Variants in SLC12A4 observed in about 807,000 individuals in gnomAD.
SLC12A4 encodes the protein electroneutral potassium-chloride cotransporter 1.
Under a neutral mutation model 119.2 loss-of-function variants are expected in SLC12A4, and 84 were observed. The ratio of observed to expected loss-of-function variants is 0.70; its 90% CI spans 0.59 to 0.85. The LOEUF (loss-of-function observed/expected upper bound fraction) is 0.85, where lower values mean the gene tolerates loss of function less well. Among genes scored for constraint, SLC12A4 ranks in the 40% least tolerant of loss-of-function variants. The pLI is 0.00. For missense variants in SLC12A4, 1,298 were observed against 1,476.3 expected (o/e 0.88, Z 1.98); for synonymous variants, 599 against 604.6 (o/e 0.99, Z 0.14).
chr16:67,966,846 G>C (rs1404222314), intron 1 of SLC12A4: 9 of 1,544,958 alleles, frequency 5.8e-6, no homozygotes, highest in Non-Finnish European at 7.9e-6. Context: ...AGTGGGAGGA[G>C]CTGGCCTAGC....
At chr16:67,953,087 G>A (rs1466793993) in intron 6 of SLC12A4, among the ~76,000 whole-genome samples, 3 of 151,868 alleles carry the variant, frequency 2.0e-5, no homozygotes, top group Non-Finnish European at 4.4e-5. Context: ...GACAGAGTGA[G>A]ACCTTGTCTC....
In SLC12A4 at chr16:67,946,211, C is replaced by T. The variant is rs1007906756; in HGVS notation, c.2567G>A (p.Gly856Asp). The T allele has an allele frequency of 6.2e-7, 1 of 1,613,900 alleles. No homozygotes were observed. Among genetic ancestry groups the T allele is most frequent in the Non-Finnish European group, 8.5e-7 (1 of 1,180,022 alleles). Residue 856 changes from glycine (G) to aspartate (D), a missense_variant, in exon 19 of 24, where the codon GGC (glycine) becomes GAC (aspartate). Coordinates refer to ENST00000316341, the MANE Select transcript of SLC12A4 (RefSeq NM_005072.5). ...IDVWWIVHDG[G>D]MLMLLPFLLR... ...CAGGAAGGGCAGAAGCATGAGCATGCCACCATCGTGCACGATCCACCACAC... is the reference window on the plus strand; with the variant it reads ...CAGGAAGGGCAGAAGCATGAGCATGTCACCATCGTGCACGATCCACCACAC...
chr16:67,967,332 C>T (rs897060749), intron 1 of SLC12A4, among the ~76,000 whole-genome samples: 1 of 152,208 alleles, frequency 6.6e-6, no homozygotes, highest in African/African-American at 2.4e-5. Flanking sequence ...CTACATATCT[C>T]CATCATGATC....
At chr16:67,963,665 T>C (rs1295368314) in intron 1 of SLC12A4, 106 bp from the exon 2 acceptor site, 5 of 912,848 alleles carry the variant, frequency 5.5e-6, no homozygotes. Flanking sequence ...ACTTTGGAGC[T>C]GCAGTGTCAC....
chr16:67,951,090 G>C lies in SLC12A4; in HGVS notation c.1298-30C>G, dbSNP rs762134071. 6 of 1,613,594 alleles carry C rather than the reference G, an allele frequency of 3.7e-6. No individual in the cohort carries two copies. The highest frequency in any genetic ancestry group is 5.1e-6 in the Non-Finnish European group (6 of 1,179,750). On this transcript the variant is annotated intron_variant, in intron 9 of 23. Coordinates refer to ENST00000316341, the MANE Select transcript of SLC12A4 (RefSeq NM_005072.5). The surrounding 1 kb of genome is among the most constrained non-coding windows in gnomAD (Gnocchi z 5.2). The stretch of plus-strand genomic sequence containing the variant: ...AAAAACAGATGAGACTCCCTCAGGG[G>C]CTCCCCGGGATTGGGGACAGGGCTG...
Position 67,950,506 on chromosome 16 carries a change from C to A in SLC12A4, c.1455-13G>T, listed in dbSNP as rs926014681. On this transcript the variant is annotated splice_polypyrimidine_tract_variant and intron_variant, in intron 11 of 23. Transcript: ENST00000316341. The surrounding 1 kb of genome is among the most constrained non-coding windows in gnomAD (Gnocchi z 4.3). Reference sequence around the variant, plus strand: ...ACCATCGCCATACCTGCAGGGGCCACCAGAGTGAGGGATGTCAGGGGTCCG... The same window carrying A: ...ACCATCGCCATACCTGCAGGGGCCAACAGAGTGAGGGATGTCAGGGGTCCG... 1 of 1,613,558 alleles carries A rather than the reference C, an allele frequency of 6.2e-7. No individual in the cohort carries two copies. Among genetic ancestry groups the A allele is most frequent in the African/African-American group, 1.3e-5 (1 of 74,912 alleles).
rs116912598 is a variant in SLC12A4 at position 67,954,175 on chromosome 16, G to A, written c.675+468C>T. ...GGCTGACAGAGCTCCCATGGGGCTC[G>A]TGGAGGGAGCGCCGACCTCCAGCAG... On this transcript the variant is annotated intron_variant, in intron 6 of 23. Coordinates refer to ENST00000316341, the MANE Select transcript of SLC12A4 (RefSeq NM_005072.5). 2.5e-3 allele frequency: 981 copies of A among 397,422 alleles called. 4 individuals carry two copies. The highest frequency in any genetic ancestry group is 2.3e-3 in the Non-Finnish European group (461 of 198,862). 24.6% of individuals were successfully genotyped at this position (397,422 alleles called of 1,614,324 possible). A position where few individuals can be genotyped will look rare whatever the true frequency, so the allele number is the denominator to read the frequency against.
chr16:67,958,083 G>C (rs956637873), intron 3 of SLC12A4, 39 bp from the exon 4 acceptor site: 4 of 1,600,672 alleles, frequency 2.5e-6, no homozygotes, highest in Non-Finnish European at 3.4e-6. Context: ...TAGAGCATCA[G>C]AGGGATGCAC....
intron 1 of SLC12A4, chr16:67,964,070 G>A (rs774585029): frequency 3.9e-6 from 6 of 1,538,116 alleles, no homozygotes; most frequent in Non-Finnish European, 5.3e-6. Context: ...TGCACTGCGC[G>A]GGGGGCGTCC....
Position 67,950,256 on chromosome 16 carries a change from C to G in SLC12A4, c.1629+63G>C, listed in dbSNP as rs1441781337. On this transcript the variant is annotated intron_variant, in intron 12 of 23. Coordinates refer to ENST00000316341, the MANE Select transcript of SLC12A4 (RefSeq NM_005072.5). This position sits in a 1 kb window ranked among gnomAD's most constrained non-coding sequence, Gnocchi z 4.3. ...CGTGCTGCATCTGTGTTCCCTATCTCTCTCCCCAGCCGGGCGAGGGCCTGG... is the reference window on the plus strand; with the variant it reads ...CGTGCTGCATCTGTGTTCCCTATCTGTCTCCCCAGCCGGGCGAGGGCCTGG... The G allele has an allele frequency of 6.4e-7, 1 of 1,568,100 alleles. No individual in the cohort carries two copies. The highest frequency in any genetic ancestry group is 2.2e-5 in the East Asian group (1 of 44,562).
chr16:67,958,100 G>C (rs1177777531), intron 3 of SLC12A4, 56 bp from the exon 4 acceptor site: 6 of 1,579,210 alleles, frequency 3.8e-6, no homozygotes, highest in Non-Finnish European at 4.3e-6. Flanking sequence ...GCACCATGGA[G>C]AGTCAGCCCT....
At chr16:67,968,653 A>G (rs2030977639), upstream of SLC12A4, 1 of 1,284,016 alleles carries the variant, frequency 7.8e-7, no homozygotes, top group Non-Finnish European at 9.8e-7. Context: ...GCCCGCTCGC[A>G]TTCCTCCCCG....
At chr16:67,964,151 G>A in intron 1 of SLC12A4, 2 of 1,455,194 alleles carry the variant, frequency 1.4e-6, no homozygotes, top group Admixed American at 4.7e-5. Context: ...GTGGATTCCA[G>A]GAGCCTTCTA....
In SLC12A4 at chr16:67,963,493, T is replaced by G; in HGVS notation, c.182A>C (p.Tyr61Ser). The change falls in exon 2 of 24, where the codon TAC becomes TCC. Residue 61 changes from tyrosine (Y) to serine (S), a missense_variant. Coordinates refer to ENST00000316341, the MANE Select transcript of SLC12A4 (RefSeq NM_005072.5). ...AAACAGTGCCAGGTTCCTGTCATAG[T>G]AGTCAATTCCTCTGGAAGCCTCCAA... ...SPLEASRGID[Y>S]YDRNLALFEE... 2.5e-6 allele frequency: 4 copies of G among 1,583,534 alleles called. No homozygotes were observed. Among genetic ancestry groups the G allele is most frequent in the Non-Finnish European group, 3.4e-6 (4 of 1,171,210 alleles).
rs1412484934 is a variant in SLC12A4, at chr16:67,943,884, A to G, written c.*956T>C. ...AAGGGCTTTGGCCAGGTCAGCTGCC[A>G]GGGGCTGGGGCCCAGGCTCCCCAGG... On this transcript the variant is annotated 3_prime_UTR_variant, in exon 24 of 24. Coordinates refer to ENST00000316341, the MANE Select transcript of SLC12A4 (RefSeq NM_005072.5). The surrounding 1 kb of genome is among the most constrained non-coding windows in gnomAD (Gnocchi z 4.6). 4 of 1,444,342 alleles carry G rather than the reference A, an allele frequency of 2.8e-6. No individual in the cohort carries two copies. The highest frequency in any genetic ancestry group is 5.0e-5 in the East Asian group (2 of 40,088). The allele number at this position is 1,444,342 out of a possible 1,614,324, so 89.5% of individuals were successfully genotyped here.
chr16:67,962,851 G>GA (rs1257166624), intron 2 of SLC12A4: 10 of 151,730 alleles, frequency 6.6e-5, no homozygotes, highest in South Asian at 2.1e-4. Flanking sequence ...TGAAGAAAGA[G>GA]AAAAAAAAGG....
At chr16:67,965,560 G>C (rs1567428616) in intron 1 of SLC12A4, among the ~76,000 whole-genome samples, 1 of 152,136 alleles carries the variant, frequency 6.6e-6, no homozygotes, top group Non-Finnish European at 1.5e-5. Flanking sequence ...TGATTCTTTT[G>C]TGGAAGTAGG....
chr16:67,963,961 C>T, intron 1 of SLC12A4: 1 of 1,551,544 alleles, frequency 6.4e-7, no homozygotes, highest in Non-Finnish European at 8.7e-7. Flanking sequence ...GGTTCGGTGT[C>T]CTCAGGGACC....
chr16:67,958,687 G>GACAACAT (rs2030403570), intron 3 of SLC12A4, among the ~76,000 whole-genome samples: 1 of 152,016 alleles, frequency 6.6e-6, no homozygotes, highest in Admixed American at 6.6e-5. Flanking sequence ...CTTGGCTTGG[G>GACAACAT]CCACCAGATG....
Sources: allele counts gnomAD v4.1 joint callset (sites outside exome capture counted in the v4.1 genomes callset), GRCh38; gene constraint gnomAD v4.1.1; non-coding constraint Gnocchi (gnomAD v3.1); transcripts MANE v1.5; gene names NCBI Gene and HGNC (gene_info 2026-07-23, HGNC 2026-07-21).